Variants in CHL1 observed in about 807,000 individuals in gnomAD.
The protein encoded by CHL1 is neural cell adhesion molecule L1-like protein.
CHL1 carries 96 observed loss-of-function variants against 141.9 expected under a neutral mutation model. The observed-to-expected ratio is 0.68, with a 90% CI of 0.57 to 0.80. CHL1 has a LOEUF of 0.80. Among genes scored for constraint, CHL1 ranks in the 30% least tolerant of loss-of-function variants. The probability of loss-of-function intolerance (pLI) is 0.00; values close to 1 mark genes in which losing one functional copy is unlikely to be tolerated. For synonymous variants in CHL1, 613 were observed against 502.2 expected, an observed-to-expected ratio of 1.22 and a Z score of -2.95; for missense variants, 1,820 against 1,457.2, an observed-to-expected ratio of 1.25 and a Z score of -4.05.
intron 2 of CHL1, among the ~76,000 whole-genome samples, chr3:291,864 T>A (rs986829758): frequency 4.9e-4 from 75 of 152,196 alleles, no homozygotes; most frequent in African/African-American, 1.6e-3. Flanking sequence ...CTGACTAGGC[T>A]GGTCCTGTCG....
chr3:342,327 A>G (rs554719299), intron 7 of CHL1, among the ~76,000 whole-genome samples: 2 of 152,314 alleles, frequency 1.3e-5, no homozygotes, highest in South Asian at 2.1e-4. Context: ...CATCTGCAGG[A>G]TCTTGTCATT....
At chr3:361,056 G>C (rs1704200316) in intron 12 of CHL1, among the ~76,000 whole-genome samples, 1 of 152,164 alleles carries the variant, frequency 6.6e-6, no homozygotes, top group Non-Finnish European at 1.5e-5. Context: ...AAACATACGT[G>C]TGCAGGTGTC....
rs368230458 is a variant in CHL1 at position 324,445 on chromosome 3, T to G, written c.92-1514T>G. Among the ~76,000 whole-genome samples, 47 of 152,150 alleles carry G rather than the reference T, an allele frequency of 3.1e-4. 1 individual carries two copies. The East Asian group carries it at 5.0e-3, about 16-fold the overall frequency. On this transcript the variant is annotated intron_variant, in intron 3 of 27. Transcript: ENST00000256509. The stretch of plus-strand genomic sequence containing the variant: ...ATGTCTCCTTTTGAAAAATATTGAG[T>G]GCTCATCAGCAGTAGATCTTTACAC...
At chr3:274,647 G>A (rs919110283) in intron 2 of CHL1, among the ~76,000 whole-genome samples, 2 of 152,142 alleles carry the variant, frequency 1.3e-5, no homozygotes, top group Admixed American at 6.5e-5. Flanking sequence ...TTCATTGTAA[G>A]CAGCATACAG....
intron 2 of CHL1, among the ~76,000 whole-genome samples, chr3:263,894 C>T (rs1694945829): frequency 6.6e-6 from 1 of 152,122 alleles, no homozygotes; most frequent in Non-Finnish European, 1.5e-5. Context: ...TGTGCTGTGC[C>T]AGATAGTAGT....
intron 16 of CHL1, among the ~76,000 whole-genome samples, chr3:379,585 C>T (rs189292663): frequency 2.2e-4 from 34 of 152,130 alleles, no homozygotes; most frequent in Middle Eastern, 6.8e-3. Context: ...CCAAAAGGAC[C>T]GGGTCTCCTA....
At chr3:391,616 A>G (rs1018066721) in intron 22 of CHL1, 59 bp from the exon 23 acceptor site, 2 of 1,240,258 alleles carry the variant, frequency 1.6e-6, no homozygotes, top group African/African-American at 1.5e-5. Flanking sequence ...ATAATATAAT[A>G]AGGCTTTTTT....
intron 1 of CHL1, among the ~76,000 whole-genome samples, chr3:238,389 C>G (rs11714146): frequency 0.17 from 25,951 of 150,636 alleles, 2,336 homozygotes; most frequent in Middle Eastern, 0.27. Context: ...GTTTAAAGAT[C>G]AATTGAGATC....
intron 2 of CHL1, among the ~76,000 whole-genome samples, chr3:314,327 G>GTATATATATA (rs1410311860): frequency 3.0e-4 from 17 of 57,022 alleles, no homozygotes; most frequent in African/African-American, 7.9e-4. Flanking sequence ...CTCTCTCTAT[G>GTATATATATA]TGTATATATA....
At chr3:242,318 T>C (rs71306193) in intron 1 of CHL1, among the ~76,000 whole-genome samples, 25,081 of 124,580 alleles carry the variant, frequency 0.2, 2,158 homozygotes, top group Middle Eastern at 0.28. Context: ...AGAGACTGGC[T>C]GAGCGCGGTG....
In CHL1 at chr3:390,681, C is replaced by G; in HGVS notation, c.2471-20C>G. The G allele has an allele frequency of 7.4e-7, 1 of 1,355,648 alleles. No homozygotes were observed. The highest frequency in any genetic ancestry group is 1.1e-6 in the Non-Finnish European group (1 of 948,754). 84.0% of individuals were successfully genotyped at this position (1,355,648 alleles called of 1,614,324 possible). A position where few individuals can be genotyped will look rare whatever the true frequency, so the allele number is the denominator to read the frequency against. ...CATTTGCAGGTTATTGAAAACTAAT[C>G]AATCTTCTATGATTAACAGATCCTG... On this transcript the variant is annotated intron_variant, in intron 20 of 27. Transcript: ENST00000256509.
At chr3:284,449 A>C (rs1456736635) in intron 2 of CHL1, among the ~76,000 whole-genome samples, 2 of 152,194 alleles carry the variant, frequency 1.3e-5, no homozygotes, top group Admixed American at 6.5e-5. Flanking sequence ...GTTTGTGTGG[A>C]AGCCACTGGG....
chr3:344,716 A>G lies in CHL1; in HGVS notation c.848+7A>G. ...AGTGTTTTGCTGAAGGCTTGTGAGT[A>G]ACCTGACTCTCACTCATGACTTTGT... is the stretch of plus-strand genomic sequence containing the variant. On this transcript the variant is annotated splice_region_variant and intron_variant, in intron 9 of 27. Transcript: ENST00000256509. 2 of 1,613,332 alleles carry G rather than the reference A, an allele frequency of 1.2e-6. No individual in the cohort carries two copies. The highest frequency in any genetic ancestry group is 1.7e-6 in the Non-Finnish European group (2 of 1,179,590).
At chr3:308,663 T>G (rs1459045171) in intron 2 of CHL1, 1 of 150,902 alleles carries the variant, frequency 6.6e-6, no homozygotes, top group Admixed American at 6.6e-5. Context: ...ATATATATAC[T>G]AGAATGATAA....
At chr3:331,122 G>C (rs1701401955) in intron 5 of CHL1, among the ~76,000 whole-genome samples, 1 of 152,200 alleles carries the variant, frequency 6.6e-6, no homozygotes, top group African/African-American at 2.4e-5. Context: ...GTTTTAAAAA[G>C]TGAGACTATT....
intron 23 of CHL1, among the ~76,000 whole-genome samples, chr3:393,741 C>G (rs1434275960): frequency 6.6e-6 from 1 of 152,002 alleles, no homozygotes; most frequent in Non-Finnish European, 1.5e-5. Context: ...TTTCAATTGA[C>G]TTTGTGGTCA....
intron 26 of CHL1, 21 bp downstream of exon 26, chr3:399,169 G>T (rs1708914881): frequency 6.3e-7 from 1 of 1,583,392 alleles, no homozygotes; most frequent in Non-Finnish European, 8.6e-7. Flanking sequence ...TTCTTAATGT[G>T]ATTTTCAACT....
intron 2 of CHL1, among the ~76,000 whole-genome samples, chr3:293,475 A>T (rs992930289): frequency 1.3e-5 from 2 of 152,196 alleles, no homozygotes; most frequent in Non-Finnish European, 2.9e-5. Flanking sequence ...ACTGCACTCC[A>T]GCCTGGGCCA....
At chr3:394,591 G>A in intron 23 of CHL1, 102 bp from the exon 24 acceptor site, 1 of 789,784 alleles carries the variant, frequency 1.3e-6, no homozygotes, top group Non-Finnish European at 2.1e-6. Flanking sequence ...AATCATTAAT[G>A]TATCTTTACG....
Sources: gnomAD v4.1 joint callset for allele counts (sites outside exome capture counted in the v4.1 genomes callset) on GRCh38, gnomAD v4.1.1 for gene constraint, MANE v1.5 for transcripts, NCBI Gene and HGNC (gene_info 2026-07-23, HGNC 2026-07-21) for gene names.